SIN3A: variants seen among roughly 807,000 people sequenced by gnomAD.
SIN3A encodes the protein paired amphipathic helix protein Sin3a.
In SIN3A, 14 loss-of-function variants were observed where a neutral mutation model predicts 146.1. The observed-to-expected ratio is 0.10, with a 90% CI of 0.06 to 0.15. The LOEUF is 0.15. Among genes scored for constraint, SIN3A ranks in the 10% least tolerant of loss-of-function variants. SIN3A has a pLI of 1.00. For synonymous variants in SIN3A, 572 were observed against 572.0 expected (o/e 1.00, Z 0.00); for missense variants, 1,028 against 1,576.0 (o/e 0.65, Z 5.89).
intron 16 of SIN3A, among the ~76,000 whole-genome samples, chr15:75,388,037 A>G (rs1429582636): frequency 6.7e-6 from 1 of 149,346 alleles, no homozygotes; most frequent in Non-Finnish European, 1.5e-5. Flanking sequence ...TGGGAGGAGT[A>G]CAGAGGCATG....
chr15:75,413,116 G>T, intron 4 of SIN3A, 71 bp from the exon 5 acceptor site: 5 of 1,432,352 alleles, frequency 3.5e-6, no homozygotes, highest in Non-Finnish European at 4.7e-6. Flanking sequence ...AAAATTTCAT[G>T]TTTTTTTTTC....
intron 1 of SIN3A, chr15:75,446,472 A>C (rs2074309133): frequency 6.6e-6 from 1 of 151,740 alleles, no homozygotes; most frequent in Non-Finnish European, 1.5e-5. Flanking sequence ...GGCAGAGGGT[A>C]CATCAGATTT....
At chr15:75,431,206 G>C (rs983880449) in intron 1 of SIN3A, among the ~76,000 whole-genome samples, 6 of 152,198 alleles carry the variant, frequency 3.9e-5, no homozygotes, top group African/African-American at 1.4e-4. Context: ...AAAGATTCTA[G>C]ACTTGCCAAT....
intron 8 of SIN3A, 75 bp downstream of exon 8, chr15:75,409,760 CA>C (rs2073594957): frequency 2.7e-6 from 4 of 1,474,280 alleles, no homozygotes; most frequent in East Asian, 2.3e-5. Flanking sequence ...CAACAAAACA[CA>C]TGACCACCTC....
chr15:75,439,224 T>C (rs1454651916), intron 1 of SIN3A, among the ~76,000 whole-genome samples: 1 of 152,202 alleles, frequency 6.6e-6, no homozygotes, highest in African/African-American at 2.4e-5. Context: ...AAAAGGATGT[T>C]GTCAAACATC....
intron 2 of SIN3A, among the ~76,000 whole-genome samples, chr15:75,424,868 C>A (rs1202234514): frequency 1.3e-5 from 2 of 152,064 alleles, no homozygotes; most frequent in African/African-American, 4.8e-5. Flanking sequence ...CCATTACAAA[C>A]TAGTAACAAA....
intron 1 of SIN3A, chr15:75,443,732 T>C (rs2074256211): frequency 6.6e-6 from 1 of 151,796 alleles, no homozygotes; most frequent in African/African-American, 2.4e-5. Context: ...AAAAAAAAAG[T>C]TGCTGTAAGT....
intron 1 of SIN3A, among the ~76,000 whole-genome samples, chr15:75,437,177 CTT>C (rs5813801): frequency 2.0e-4 from 29 of 145,000 alleles, no homozygotes; most frequent in Admixed American, 3.5e-4. Context: ...TCCCAGAACC[CTT>C]TTTTTTTTTT....
Position 75,400,847 on chromosome 15 carries a change from C to T in SIN3A, c.1620G>A (p.Glu540=). The T allele has an allele frequency of 6.2e-7, 1 of 1,614,184 alleles. No individual in the cohort carries two copies. The highest frequency in any genetic ancestry group is 1.1e-5 in the South Asian group (1 of 91,086). The change falls in exon 11 of 21, where the codon GAG becomes GAA. Residue 540 remains glutamate (E), a synonymous_variant. Transcript: ENST00000394947. Reference sequence around the variant, plus strand: ...CATAATCTATCTCCATAGCAATGCCCTCTGTGGCTCGCTCCTTTGGATAAG... The same window carrying T: ...CATAATCTATCTCCATAGCAATGCCTTCTGTGGCTCGCTCCTTTGGATAAG... ...LETYPKERAT[E]GIAMEIDYAS...
At chr15:75,432,513 C>T (rs956877468) in intron 1 of SIN3A, among the ~76,000 whole-genome samples, 1 of 150,920 alleles carries the variant, frequency 6.6e-6, no homozygotes, top group Non-Finnish European at 1.5e-5. Flanking sequence ...ATGGTGAAAC[C>T]CTGTCTCCAG....
intron 1 of SIN3A, among the ~76,000 whole-genome samples, chr15:75,441,916 T>A (rs1270095195): frequency 6.6e-6 from 1 of 151,770 alleles, no homozygotes. Context: ...GTCAGGAGAT[T>A]GAGACCATCC....
intron 1 of SIN3A, among the ~76,000 whole-genome samples, chr15:75,439,846 A>C (rs1355832122): frequency 6.6e-6 from 1 of 151,908 alleles, no homozygotes; most frequent in Non-Finnish European, 1.5e-5. Flanking sequence ...AATGCTCATT[A>C]AATCTGTAAA....
Position 75,440,378 on chromosome 15 carries a change from T to A in SIN3A, c.-33-9970A>T, listed in dbSNP as rs147313421. ...CCCAAAGCAGCTGGAATTACAGGTGTGTGCCACTACACCTGGCTAATTTTT... is the reference window on the plus strand; with the variant it reads ...CCCAAAGCAGCTGGAATTACAGGTGAGTGCCACTACACCTGGCTAATTTTT... On this transcript the variant is annotated intron_variant, in intron 1 of 20. Coordinates refer to ENST00000394947, the MANE Select transcript of SIN3A (RefSeq NM_001145358.2). 4.6e-5 allele frequency among the ~76,000 whole-genome samples: 7 copies of A among 151,522 alleles called. No individual in the cohort carries two copies. The East Asian group carries it at 1.4e-3, about 30-fold the overall frequency.
At chr15:75,374,286 A>T (rs1465186302) in intron 20 of SIN3A, among the ~76,000 whole-genome samples, 4 of 152,190 alleles carry the variant, frequency 2.6e-5, no homozygotes, top group Non-Finnish European at 5.9e-5. Flanking sequence ...ACTTGAGGTC[A>T]GGTTCGAGAC....
At chr15:75,393,636 A>C (rs1434408919) in intron 14 of SIN3A, among the ~76,000 whole-genome samples, 1 of 152,154 alleles carries the variant, frequency 6.6e-6, no homozygotes, top group African/African-American at 2.4e-5. Flanking sequence ...CAGCCTCCCA[A>C]AGTGATGGGA....
At chr15:75,449,485 T>TAA (rs2141642754) in intron 1 of SIN3A, among the ~76,000 whole-genome samples, 1 of 152,290 alleles carries the variant, frequency 6.6e-6, no homozygotes, top group African/African-American at 2.4e-5. Context: ...TAGGAAAAGA[T>TAA]AATGTATCAA....
Position 75,372,047 on chromosome 15 carries a change from C to T in SIN3A, c.3754G>A (p.Glu1252Lys). 1 of 1,614,220 alleles carries T rather than the reference C, an allele frequency of 6.2e-7. No homozygotes were observed. The highest frequency in any genetic ancestry group is 1.3e-5 in the African/African-American group (1 of 75,044). The change falls in exon 21 of 21, where the codon GAG (glutamate) becomes AAG (lysine). Residue 1252 changes from glutamate to lysine, a missense_variant. By Grantham distance (56) the Glu-to-Lys change is moderately conservative. Coordinates refer to ENST00000394947, the MANE Select transcript of SIN3A (RefSeq NM_001145358.2). ...LVPCTTTCDTETLHFVSINKY... is the reference protein window; with the variant it reads ...LVPCTTTCDTKTLHFVSINKY... Reference sequence around the variant, plus strand: ...TTAATGCTCACAAAATGCAGGGTCTCTGTATCACAGGTGGTGGTACAGGGC... The same window carrying T: ...TTAATGCTCACAAAATGCAGGGTCTTTGTATCACAGGTGGTGGTACAGGGC...
intron 9 of SIN3A, among the ~76,000 whole-genome samples, chr15:75,403,492 G>C (rs974828725): frequency 6.6e-6 from 1 of 151,128 alleles, no homozygotes; most frequent in African/African-American, 2.4e-5. Flanking sequence ...CTTCTCATAT[G>C]CTTGATTCTC....
chr15:75,449,586 T>C (rs1352093897), intron 1 of SIN3A, among the ~76,000 whole-genome samples: 1 of 152,178 alleles, frequency 6.6e-6, no homozygotes, highest in Non-Finnish European at 1.5e-5. Flanking sequence ...AGGGCAACGC[T>C]ACAGAAGTCA....
Sources: gnomAD v4.1 joint callset for allele counts (sites outside exome capture counted in the v4.1 genomes callset) on GRCh38, gnomAD v4.1.1 for gene constraint, MANE v1.5 for transcripts, NCBI Gene and HGNC (gene_info 2026-07-23, HGNC 2026-07-21) for gene names.